The following ADAM23 variants were observed in gnomAD, a reference collection of about 807,000 sequenced individuals.
ADAM23 encodes the protein ADAM metallopeptidase domain 23.
In ADAM23, 33 loss-of-function variants were observed where a neutral mutation model predicts 120.1. The observed-to-expected ratio is 0.27, with a 90% CI of 0.21 to 0.37. The LOEUF (loss-of-function observed/expected upper bound fraction) is 0.37. Ranked by LOEUF, ADAM23 falls within the 10% of genes least tolerant of loss-of-function variation. The pLI is 1.00. For synonymous variants in ADAM23, 367 were observed against 375.2 expected, an observed-to-expected ratio of 0.98 and a Z score of 0.25; for missense variants, 862 against 1,058.2, an observed-to-expected ratio of 0.81 and a Z score of 2.57.
chr2:206,571,446 G>T (rs1386042875), intron 16 of ADAM23, among the ~76,000 whole-genome samples: 1 of 152,124 alleles, frequency 6.6e-6, no homozygotes, highest in African/African-American at 2.4e-5. Flanking sequence ...CTGCAGTCCG[G>T]CCTGTGTGAA....
chr2:206,492,765 C>A (rs537012148), intron 3 of ADAM23, among the ~76,000 whole-genome samples: 1 of 152,050 alleles, frequency 6.6e-6, no homozygotes, highest in Non-Finnish European at 1.5e-5. Context: ...GCCTAATCAC[C>A]CTGAAAAGAC....
intron 2 of ADAM23, among the ~76,000 whole-genome samples, chr2:206,469,804 G>A (rs1040359526): frequency 3.3e-5 from 5 of 152,146 alleles, no homozygotes; most frequent in Non-Finnish European, 4.4e-5. Flanking sequence ...CACCAAGTGT[G>A]CCCCTGCCTC....
chr2:206,515,157 A>C (rs1421839696), intron 3 of ADAM23, among the ~76,000 whole-genome samples: 8 of 152,152 alleles, frequency 5.3e-5, no homozygotes, highest in Admixed American at 5.2e-4. Context: ...CCTGTGTACA[A>C]ACATCTCTTA....
chr2:206,541,594 A>C lies in ADAM23; in HGVS notation c.574-458A>C, dbSNP rs1697290551. Among the ~76,000 whole-genome samples, 4 of 152,172 alleles carry C rather than the reference A, an allele frequency of 2.6e-5. No individual in the cohort carries two copies. In the South Asian group the frequency reaches 8.3e-4, roughly 32 times the overall value. On this transcript the variant is annotated intron_variant, in intron 4 of 25. Transcript: ENST00000264377. ...TTGTAGTTATTATTTGACTTTGAAA[A>C]CTACATTCATATATTGCTTCTAAAA...
At chr2:206,570,937 G>A in intron 16 of ADAM23, 126 bp downstream of exon 16, 2 of 772,036 alleles carry the variant, frequency 2.6e-6, no homozygotes, top group Non-Finnish European at 4.3e-6. Context: ...TCTCTGATTA[G>A]TGCTTAATTC....
Position 206,565,030 on chromosome 2 carries a change from C to T in ADAM23, c.1356C>T (p.Cys452=), listed in dbSNP as rs760461452. The stretch of plus-strand genomic sequence containing the variant: ...GTTTTATTGGACCAGAATGTGACTG[C>T]ACAGAATCCTGGGGTGGCTGCATCA... ...EPSSRKPKCD[C]TESWGGCIME... The change falls in exon 14 of 26, where the codon TGC becomes TGT. Residue 452 remains cysteine (C), a synonymous_variant. Transcript: ENST00000264377. The T allele has an allele frequency of 6.2e-7, 1 of 1,613,962 alleles. No individual in the cohort carries two copies. Among genetic ancestry groups the T allele is most frequent in the Non-Finnish European group, 8.5e-7 (1 of 1,179,938 alleles).
In ADAM23 at chr2:206,592,353, C is replaced by T. The variant is rs147439208; in HGVS notation, c.1959-264C>T. ...GGGGAATGGATAGGAAAGTGGGCGT[C>T]GAGAATGGGAGTACCAAGAATAGAT... On this transcript the variant is annotated intron_variant, in intron 21 of 25. Transcript: ENST00000264377. Among the ~76,000 whole-genome samples the T allele has an allele frequency of 6.4e-3, 978 of 152,176 alleles. 11 individuals are homozygous for T. Among genetic ancestry groups the T allele is most frequent in the African/African-American group, 0.022 (914 of 41,526 alleles).
At chr2:206,578,407 G>A (rs985774825) in intron 18 of ADAM23, among the ~76,000 whole-genome samples, 12 of 149,578 alleles carry the variant, frequency 8.0e-5, no homozygotes, top group Middle Eastern at 3.4e-3. Context: ...ATGTCTTTGC[G>A]TCACTACTTA....
intron 8 of ADAM23, among the ~76,000 whole-genome samples, chr2:206,549,874 AATG>A (rs1017540208): frequency 1.3e-5 from 2 of 152,094 alleles, no homozygotes; most frequent in African/African-American, 4.8e-5. Flanking sequence ...TAAGTACCTT[AATG>A]ATAATAAAAT....
intron 3 of ADAM23, among the ~76,000 whole-genome samples, chr2:206,528,793 C>G (rs149451438): frequency 1.3e-5 from 2 of 152,286 alleles, no homozygotes; most frequent in African/African-American, 4.8e-5. Context: ...TGCTTTAGCC[C>G]TTCATTTTTG....
At chr2:206,573,085 T>C in intron 17 of ADAM23, 30 bp from the exon 18 acceptor site, 1 of 1,605,330 alleles carries the variant, frequency 6.2e-7, no homozygotes, top group East Asian at 2.2e-5. Context: ...TATGTAATGC[T>C]AACTCTTAAT....
At chr2:206,496,527 T>C (rs543570522) in intron 3 of ADAM23, among the ~76,000 whole-genome samples, 35 of 151,678 alleles carry the variant, frequency 2.3e-4, no homozygotes, top group Admixed American at 7.9e-4. Flanking sequence ...TTTATAGCAC[T>C]AAATGCCCAC....
intron 24 of ADAM23, among the ~76,000 whole-genome samples, chr2:206,606,097 G>T (rs1397249856): frequency 6.6e-6 from 1 of 152,220 alleles, no homozygotes; most frequent in Non-Finnish European, 1.5e-5. Flanking sequence ...AACACTGGGT[G>T]TGCTTCCGAT....
chr2:206,470,755 T>A (rs1036653901), intron 2 of ADAM23, among the ~76,000 whole-genome samples: 2 of 152,188 alleles, frequency 1.3e-5, no homozygotes. Context: ...CCATCCATAG[T>A]CGTAGATGAG....
Position 206,618,957 on chromosome 2 carries a change from A to C in ADAM23, c.*1330A>C, listed in dbSNP as rs1184120391. 1 of 152,178 alleles carries C rather than the reference A, an allele frequency of 6.6e-6. No homozygotes were observed. The highest frequency in any genetic ancestry group is 1.9e-4 in the East Asian group (1 of 5,200). 9.4% of individuals were successfully genotyped at this position (152,178 alleles called of 1,614,324 possible). On this transcript the variant is annotated 3_prime_UTR_variant, in exon 26 of 26. Transcript: ENST00000264377. Reference sequence around the variant, plus strand: ...ATAAACTTAAAGCCTTAAATAAAAAAATTTTTTTAAATGTTAAAAGCTTGG... The same window carrying C: ...ATAAACTTAAAGCCTTAAATAAAAACATTTTTTTAAATGTTAAAAGCTTGG...
chr2:206,452,804 C>T (rs1028260184), intron 2 of ADAM23, among the ~76,000 whole-genome samples: 1 of 152,032 alleles, frequency 6.6e-6, no homozygotes, highest in Admixed American at 6.5e-5. Context: ...TAAGAGTGAA[C>T]CTTGGGAGTC....
At chr2:206,477,792 A>G (rs961062238) in intron 2 of ADAM23, among the ~76,000 whole-genome samples, 1 of 150,672 alleles carries the variant, frequency 6.6e-6, no homozygotes, top group Non-Finnish European at 1.5e-5. Context: ...ACTAAAAATG[A>G]TATGGCTGTA....
Position 206,591,241 on chromosome 2 carries a change from A to G in ADAM23, c.1959-1376A>G, listed in dbSNP as rs548520935. ...TAAATATACATTTTACCAAATAATT[A>G]TGAAGTGAACTCCCATGTCACTCCT... On this transcript the variant is annotated intron_variant, in intron 21 of 25. Coordinates refer to ENST00000264377, the MANE Select transcript of ADAM23 (RefSeq NM_003812.4). Among the ~76,000 whole-genome samples, 3 of 152,306 alleles carry G rather than the reference A, an allele frequency of 2.0e-5. No homozygotes were observed. In the South Asian group the frequency reaches 6.2e-4, roughly 32 times the overall value.
At chr2:206,613,244 A>G (rs1191037406) in intron 25 of ADAM23, among the ~76,000 whole-genome samples, 1 of 152,078 alleles carries the variant, frequency 6.6e-6, no homozygotes, top group East Asian at 1.9e-4. Flanking sequence ...TTTTTAGCAG[A>G]GATGGGGTTT....
Sources: gnomAD v4.1 joint callset for allele counts (sites outside exome capture counted in the v4.1 genomes callset) on GRCh38, gnomAD v4.1.1 for gene constraint, MANE v1.5 for transcripts, NCBI Gene and HGNC (gene_info 2026-07-23, HGNC 2026-07-21) for gene names.